The following SIL1 variants were observed in gnomAD, a reference collection of about 807,000 sequenced individuals.
SIL1 encodes the protein nucleotide exchange factor SIL1.
In SIL1, 40 loss-of-function variants were observed where a neutral mutation model predicts 49.1. The ratio of observed to expected loss-of-function variants is 0.81; its 90% CI spans 0.63 to 1.06. The LOEUF is 1.06. SIL1 is among the 50% of genes least tolerant of loss of function. The pLI is 0.00. For synonymous variants in SIL1, 253 were observed against 250.8 expected (o/e 1.01, Z -0.08); for missense variants, 500 against 572.6 (o/e 0.87, Z 1.29).
At chr5:139,123,280 T>G (rs1023386398) in intron 2 of SIL1, among the ~76,000 whole-genome samples, 1 of 152,222 alleles carries the variant, frequency 6.6e-6, no homozygotes, top group Admixed American at 6.5e-5. Context: ...CAGAGAAGAC[T>G]GACTGGCAGG....
intron 5 of SIL1, chr5:139,035,429 C>T (rs747270201): frequency 2.2e-5 from 12 of 539,916 alleles, no homozygotes; most frequent in Non-Finnish European, 4.0e-5. Flanking sequence ...AAGGCACTGC[C>T]TCAATCAGGG....
In SIL1 at chr5:138,946,744, A is replaced by G. The variant is rs144756476; in HGVS notation, c.*373T>C. The G allele has an allele frequency of 1.4e-5, 4 of 277,534 alleles. No individual in the cohort carries two copies. The East Asian group carries it at 3.4e-4, about 24-fold the overall frequency. The allele number at this position is 277,534 out of a possible 1,614,324, so 17.2% of individuals were successfully genotyped here. On this transcript the variant is annotated 3_prime_UTR_variant, in exon 10 of 10. Coordinates refer to ENST00000394817, the MANE Select transcript of SIL1 (RefSeq NM_022464.5). ...CTTTCTACGTGATTTTTCTCCTTTAATGGCACTCCTGACAGATGAGGAAAC... is the reference window on the plus strand; with the variant it reads ...CTTTCTACGTGATTTTTCTCCTTTAGTGGCACTCCTGACAGATGAGGAAAC...
chr5:138,986,709 C>T (rs1056764033), intron 7 of SIL1, among the ~76,000 whole-genome samples: 12 of 152,220 alleles, frequency 7.9e-5, no homozygotes, highest in Non-Finnish European at 1.5e-4. Flanking sequence ...CTAATAATCA[C>T]TCACTGTGTG....
chr5:139,108,357 C>T (rs936068220), intron 3 of SIL1: 3 of 152,136 alleles, frequency 2.0e-5, no homozygotes, highest in East Asian at 1.9e-4. Context: ...TATGGAAACA[C>T]GGAGGTCACA....
rs564201819 is a variant in SIL1 at position 139,066,728 on chromosome 5, C to A, written c.245-15682G>T. Among the ~76,000 whole-genome samples, 11 of 151,540 alleles carry A rather than the reference C, an allele frequency of 7.3e-5. No individual in the cohort carries two copies. In the South Asian group the frequency reaches 1.5e-3, roughly 20 times the overall value. On this transcript the variant is annotated intron_variant, in intron 3 of 9. Transcript: ENST00000394817. The stretch of plus-strand genomic sequence containing the variant: ...ACTTTTATTTATTATTTTTTTGAGA[C>A]AGGGTCTCACTCTGTTGCCCACGCT...
intron 3 of SIL1, among the ~76,000 whole-genome samples, chr5:139,072,182 A>C (rs895541089): frequency 1.3e-5 from 2 of 152,200 alleles, no homozygotes; most frequent in African/African-American, 4.8e-5. Context: ...GGAAGGGTCC[A>C]TTTGGGCTTC....
intron 4 of SIL1, among the ~76,000 whole-genome samples, chr5:139,043,183 G>A (rs961867972): frequency 2.6e-5 from 4 of 152,158 alleles, no homozygotes; most frequent in African/African-American, 9.7e-5. Flanking sequence ...AGCTGAAAAT[G>A]GGATCATTTC....
chr5:138,968,812 G>A (rs1229956535), intron 7 of SIL1, among the ~76,000 whole-genome samples: 2 of 152,166 alleles, frequency 1.3e-5, no homozygotes, highest in Non-Finnish European at 2.9e-5. Flanking sequence ...GAGACACTGA[G>A]CCCCAGCACT....
At chr5:139,024,804 T>C (rs949701328) in intron 6 of SIL1, among the ~76,000 whole-genome samples, 5 of 152,234 alleles carry the variant, frequency 3.3e-5, no homozygotes, top group African/African-American at 1.2e-4. Flanking sequence ...CCTTCAATAA[T>C]ATGCAAGTTC....
chr5:138,961,364 C>T (rs941495316), intron 7 of SIL1, among the ~76,000 whole-genome samples: 2 of 152,220 alleles, frequency 1.3e-5, no homozygotes, highest in Admixed American at 1.3e-4. Context: ...CTCCTGGTCT[C>T]AAGTTCCACT....
At chr5:139,143,344 C>T (rs11242449) in intron 1 of SIL1, among the ~76,000 whole-genome samples, 37,094 of 96,278 alleles carry the variant, frequency 0.39, 5,934 homozygotes, top group Non-Finnish European at 0.42. Flanking sequence ...CACACACACA[C>T]ATATATATAT....
chr5:139,013,698 CA>C (rs1280509302), intron 7 of SIL1: 1 of 152,324 alleles, frequency 6.6e-6, no homozygotes, highest in African/African-American at 2.4e-5. Flanking sequence ...GTATTTAATA[CA>C]ACATCTTCAG....
chr5:139,195,702 T>C (rs942147021), intron 1 of SIL1, among the ~76,000 whole-genome samples: 2 of 152,238 alleles, frequency 1.3e-5, no homozygotes, highest in African/African-American at 4.8e-5. Flanking sequence ...CCCACTGTTA[T>C]GTAGTGGTAC....
At chr5:139,179,070 A>G (rs1340081599) in intron 1 of SIL1, among the ~76,000 whole-genome samples, 1 of 152,188 alleles carries the variant, frequency 6.6e-6, no homozygotes, top group Non-Finnish European at 1.5e-5. Context: ...TGGTAGCCAT[A>G]GTGATAAGCT....
chr5:139,187,076 A>G (rs1752088413), intron 1 of SIL1, among the ~76,000 whole-genome samples: 1 of 151,810 alleles, frequency 6.6e-6, no homozygotes, highest in African/African-American at 2.4e-5. Flanking sequence ...TTAAATCACA[A>G]CCCATATCCT....
intron 7 of SIL1, among the ~76,000 whole-genome samples, chr5:139,018,268 C>A (rs942817694): frequency 6.6e-6 from 1 of 152,098 alleles, no homozygotes; most frequent in African/African-American, 2.4e-5. Context: ...TTAACCCAAG[C>A]AGGCAAATAA....
intron 5 of SIL1, among the ~76,000 whole-genome samples, chr5:139,041,034 G>T (rs184226820): frequency 3.0e-4 from 46 of 152,250 alleles, no homozygotes; most frequent in Admixed American, 6.5e-4. Context: ...GTTCCCATCA[G>T]TCCCACATGG....
At chr5:139,054,732 G>A (rs1769369679) in intron 3 of SIL1, among the ~76,000 whole-genome samples, 1 of 152,172 alleles carries the variant, frequency 6.6e-6, no homozygotes, top group Non-Finnish European at 1.5e-5. Flanking sequence ...AGGTTCTTAT[G>A]TGAATCTAGT....
chr5:139,066,448 C>A (rs575111201), intron 3 of SIL1, among the ~76,000 whole-genome samples: 36 of 152,250 alleles, frequency 2.4e-4, no homozygotes, highest in South Asian at 2.1e-3. Context: ...CCTTGACCTC[C>A]CAAGCTCAAG....
Sources: allele counts gnomAD v4.1 joint callset (sites outside exome capture counted in the v4.1 genomes callset), GRCh38; gene constraint gnomAD v4.1.1; transcripts MANE v1.5; gene names NCBI Gene and HGNC (gene_info 2026-07-23, HGNC 2026-07-21).